The following ERC2 variants were observed in gnomAD, a reference collection of about 807,000 sequenced individuals.
ERC2 encodes the protein ERC protein 2.
A neutral mutation model predicts 114.8 loss-of-function variants in ERC2; 42 were observed. The ratio of observed to expected loss-of-function variants is 0.37; its 90% CI spans 0.29 to 0.47. ERC2 has a LOEUF of 0.47. Ranked by LOEUF, ERC2 falls within the 20% of genes least tolerant of loss-of-function variation. The pLI is 0.99. For synonymous variants in ERC2, 454 were observed against 425.5 expected (o/e 1.07, Z -0.82); for missense variants, 939 against 1,150.7 (o/e 0.82, Z 2.66).
At chr3:55,766,966 T>C (rs1250996554) in intron 14 of ERC2, among the ~76,000 whole-genome samples, 2 of 152,222 alleles carry the variant, frequency 1.3e-5, no homozygotes, top group East Asian at 3.9e-4. Context: ...CCACCTGTGT[T>C]TCCCAGGTCA....
chr3:56,145,835 C>T (rs980317478), intron 5 of ERC2, among the ~76,000 whole-genome samples: 1 of 152,146 alleles, frequency 6.6e-6, no homozygotes, highest in African/African-American at 2.4e-5. Context: ...GAGACCCTAC[C>T]AATTCCAACT....
intron 6 of ERC2, 69 bp downstream of exon 6, chr3:56,139,440 T>A: frequency 6.7e-7 from 1 of 1,488,408 alleles, no homozygotes; most frequent in Non-Finnish European, 9.1e-7. Context: ...TGGAGGAAAG[T>A]TGTTCAGGTA....
intron 14 of ERC2, among the ~76,000 whole-genome samples, chr3:55,772,974 T>A (rs1435265768): frequency 6.6e-6 from 1 of 152,186 alleles, no homozygotes; most frequent in African/African-American, 2.4e-5. Flanking sequence ...CAAGACCTGG[T>A]GGGGCTTGCC....
intron 13 of ERC2, among the ~76,000 whole-genome samples, chr3:55,904,914 TAC>T (rs1027235910): frequency 1.3e-5 from 2 of 152,220 alleles, no homozygotes; most frequent in African/African-American, 4.8e-5. Context: ...AGGTTTAACT[TAC>T]AGTGTTTGGC....
rs1560298477 is a variant in ERC2, at chr3:56,170,590, T to TTTTTG, written c.1149+2855_1149+2856insCAAAA. On this transcript the variant is annotated intron_variant, in intron 4 of 17. Transcript: ENST00000288221. The stretch of plus-strand genomic sequence containing the variant: ...TAGTCTAAGAAATCTCTTCTGTTTT[T>TTTTTG]TTTTTTTTTTTTTTTTTTTTTTTTG... Among the ~76,000 whole-genome samples, 27 of 30,304 alleles carry TTTTTG rather than the reference T, an allele frequency of 8.9e-4. 1 individual carries two copies. The South Asian group carries it at 0.039, about 44-fold the overall frequency. 19.9% of individuals were successfully genotyped at this position (30,304 alleles called of 152,430 possible).
chr3:55,683,194 T>C (rs746270518), intron 17 of ERC2, among the ~76,000 whole-genome samples: 3 of 152,260 alleles, frequency 2.0e-5, no homozygotes, highest in Non-Finnish European at 4.4e-5. Flanking sequence ...GTTTCTATTC[T>C]AATTCATTTA....
At chr3:56,287,404 A>G (rs1381814148) in intron 3 of ERC2, among the ~76,000 whole-genome samples, 1 of 152,158 alleles carries the variant, frequency 6.6e-6, no homozygotes, top group Non-Finnish European at 1.5e-5. Context: ...AAATTCACCT[A>G]TTTGTGCAGA....
At chr3:56,224,241 A>C in intron 3 of ERC2, among the ~76,000 whole-genome samples, 1 of 152,224 alleles carries the variant, frequency 6.6e-6, no homozygotes. Flanking sequence ...TTGTCCCACC[A>C]ATCCCACTAC....
chr3:56,152,066 C>T (rs1413541332), intron 4 of ERC2, among the ~76,000 whole-genome samples: 1 of 152,112 alleles, frequency 6.6e-6, no homozygotes, highest in African/African-American at 2.4e-5. Context: ...CGTGGGCCTT[C>T]CTTAGAGACG....
chr3:56,157,581 G>A (rs1318423727), intron 4 of ERC2, among the ~76,000 whole-genome samples: 1 of 152,176 alleles, frequency 6.6e-6, no homozygotes, highest in East Asian at 1.9e-4. Context: ...GTGTTCTTTA[G>A]GAAAAGATTG....
chr3:55,927,032 T>A (rs959426383), intron 13 of ERC2, among the ~76,000 whole-genome samples: 6 of 151,954 alleles, frequency 3.9e-5, no homozygotes, highest in African/African-American at 1.2e-4. Flanking sequence ...GCCCTGAGAG[T>A]GGAGGGCAAA....
intron 14 of ERC2, among the ~76,000 whole-genome samples, chr3:55,843,416 C>T (rs762333049): frequency 1.3e-5 from 2 of 152,152 alleles, no homozygotes; most frequent in Non-Finnish European, 2.9e-5. Context: ...TCATATGAGA[C>T]TGATAATGAG....
At chr3:55,694,291 T>G (rs894459477) in intron 16 of ERC2, among the ~76,000 whole-genome samples, 2 of 152,196 alleles carry the variant, frequency 1.3e-5, no homozygotes, top group African/African-American at 4.8e-5. Context: ...ATGGGGATAC[T>G]TCCATCTGCC....
chr3:55,972,206 A>C (rs2069214342), intron 12 of ERC2, among the ~76,000 whole-genome samples: 2 of 152,216 alleles, frequency 1.3e-5, no homozygotes, highest in Admixed American at 6.5e-5. Context: ...TTCAAAGTTT[A>C]GTGAAAGGGA....
At chr3:55,965,241 A>G (rs1016937208) in intron 12 of ERC2, among the ~76,000 whole-genome samples, 4 of 152,166 alleles carry the variant, frequency 2.6e-5, no homozygotes, top group African/African-American at 9.7e-5. Context: ...TATCCAATAG[A>G]ACTTTCTGCA....
rs138872625 is a variant in ERC2 at position 55,734,988 on chromosome 3, G to C, written c.2565-70C>G. 3.5e-4 allele frequency: 502 copies of C among 1,419,498 alleles called. 4 individuals are homozygous for C. In the African/African-American group the frequency reaches 6.4e-3, roughly 18 times the overall value. 87.9% of individuals were successfully genotyped at this position (1,419,498 alleles called of 1,614,324 possible). Reference sequence around the variant, plus strand: ...AAAAAACAAACAATTGGCATTTATAGTTGAAATGAACCACAGAGTATTGTC... The same window carrying C: ...AAAAAACAAACAATTGGCATTTATACTTGAAATGAACCACAGAGTATTGTC... On this transcript the variant is annotated intron_variant, in intron 14 of 17. Transcript: ENST00000288221.
At chr3:56,158,337 C>CAGACAGT (rs1575620876) in intron 4 of ERC2, among the ~76,000 whole-genome samples, 1 of 152,252 alleles carries the variant, frequency 6.6e-6, no homozygotes, top group East Asian at 1.9e-4. Flanking sequence ...CTGTTTTCTC[C>CAGACAGT]TTTCAAAGAC....
intron 17 of ERC2, among the ~76,000 whole-genome samples, chr3:55,640,145 C>G (rs1219929890): frequency 6.6e-6 from 1 of 152,176 alleles, no homozygotes; most frequent in Non-Finnish European, 1.5e-5. Context: ...GTTAGTGCAG[C>G]CACACCCTTG....
At chr3:55,925,571 G>C (rs1023217658) in intron 13 of ERC2, among the ~76,000 whole-genome samples, 1 of 152,152 alleles carries the variant, frequency 6.6e-6, no homozygotes. Context: ...TGGACAACTG[G>C]GCAGATGCCT....
Sources: gnomAD v4.1 joint callset for allele counts (sites outside exome capture counted in the v4.1 genomes callset) on GRCh38, gnomAD v4.1.1 for gene constraint, MANE v1.5 for transcripts, NCBI Gene and HGNC (gene_info 2026-07-23, HGNC 2026-07-21) for gene names.